Variants in MAST2 observed in about 807,000 individuals in gnomAD.
MAST2 encodes the protein microtubule-associated serine/threonine-protein kinase 2.
MAST2 carries 70 observed loss-of-function variants against 147.4 expected under a neutral mutation model. The ratio of observed to expected loss-of-function variants is 0.47; its 90% confidence interval spans 0.39 to 0.58. MAST2 has a LOEUF of 0.58. Ranked by LOEUF, MAST2 falls within the 20% of genes least tolerant of loss-of-function variation. The pLI, the probability that MAST2 is intolerant of heterozygous loss-of-function variation, is 0.00. For missense variants in MAST2, 2,080 were observed against 2,302.3 expected (o/e 0.90, Z 1.98); for synonymous variants, 869 against 896.8 (o/e 0.97, Z 0.55).
intron 3 of MAST2, among the ~76,000 whole-genome samples, chr1:45,863,001 A>G (rs1646030115): frequency 6.6e-6 from 1 of 151,802 alleles, no homozygotes; most frequent in African/African-American, 2.4e-5. Flanking sequence ...TCCCCATTGG[A>G]TTTTAGCTCT....
chr1:45,875,306 C>T (rs938915103), intron 3 of MAST2, among the ~76,000 whole-genome samples: 40 of 152,058 alleles, frequency 2.6e-4, no homozygotes, highest in Admixed American at 2.0e-3. Flanking sequence ...ATTAGCCGGA[C>T]GTGGTGGCGC....
intron 4 of MAST2, among the ~76,000 whole-genome samples, chr1:45,955,820 CT>C (rs1178375389): frequency 6.6e-6 from 1 of 152,132 alleles, no homozygotes; most frequent in Non-Finnish European, 1.5e-5. Flanking sequence ...ATCATCAGAA[CT>C]GGCTTTTTCT....
intron 4 of MAST2, among the ~76,000 whole-genome samples, chr1:45,894,903 T>G (rs1648480921): frequency 6.6e-6 from 1 of 152,214 alleles, no homozygotes; most frequent in Non-Finnish European, 1.5e-5. Context: ...GTTTCCATTT[T>G]CAATACTGTA....
In MAST2 at chr1:45,979,725, C is replaced by T. The variant is rs1381176315; in HGVS notation, c.593-17999C>T. 3.3e-5 allele frequency among the ~76,000 whole-genome samples: 5 copies of T among 152,266 alleles called. No individual in the cohort carries two copies. In the East Asian group the frequency reaches 7.7e-4, roughly 23 times the overall value. ...TGGCTTACACCTGTAGCTCCTGCTC[C>T]TCAGGAGGCTGAGGTGGGAGGATCA... On this transcript the variant is annotated intron_variant, in intron 5 of 28. Coordinates refer to ENST00000361297, the MANE Select transcript of MAST2 (RefSeq NM_015112.3).
intron 1 of MAST2, among the ~76,000 whole-genome samples, chr1:45,819,276 A>G (rs999375321): frequency 6.6e-6 from 1 of 151,666 alleles, no homozygotes; most frequent in African/African-American, 2.4e-5. Context: ...AAAAGAATGT[A>G]TTCCAATATC....
Position 45,959,374 on chromosome 1 carries a change from T to G in MAST2, c.501-12T>G. 6.2e-7 allele frequency: 1 copy of G among 1,611,182 alleles called. No homozygotes were observed. ...TGGCCCTATTATAATTCATATTTTGTTTTCATTGCAGTTGTCGGACAAGTA... is the reference window on the plus strand; with the variant it reads ...TGGCCCTATTATAATTCATATTTTGGTTTCATTGCAGTTGTCGGACAAGTA... On this transcript the variant is annotated splice_polypyrimidine_tract_variant and intron_variant, in intron 4 of 28. Transcript: ENST00000361297.
intron 4 of MAST2, among the ~76,000 whole-genome samples, chr1:45,894,789 C>T (rs943245651): frequency 6.6e-6 from 1 of 152,118 alleles, no homozygotes; most frequent in Non-Finnish European, 1.5e-5. Flanking sequence ...TAGGGGTTCT[C>T]AAGGTCACAA....
At chr1:45,960,960 G>T (rs1660332259) in intron 5 of MAST2, among the ~76,000 whole-genome samples, 1 of 152,202 alleles carries the variant, frequency 6.6e-6, no homozygotes, top group Non-Finnish European at 1.5e-5. Flanking sequence ...GAGGGAGAAA[G>T]TGAGGGTACA....
chr1:45,810,929 C>T (rs374063032), intron 1 of MAST2, among the ~76,000 whole-genome samples: 5 of 146,796 alleles, frequency 3.4e-5, no homozygotes, highest in South Asian at 2.2e-4. Flanking sequence ...CTCAGCTCAC[C>T]GCAACTTCCA....
At chr1:45,918,475 G>A (rs981932784) in intron 4 of MAST2, among the ~76,000 whole-genome samples, 10 of 152,226 alleles carry the variant, frequency 6.6e-5, no homozygotes, top group Admixed American at 2.6e-4. Context: ...TTTCGCTCTT[G>A]TCACCCAGGC....
chr1:45,905,775 CA>C (rs11453789), intron 4 of MAST2, among the ~76,000 whole-genome samples: 122 of 140,008 alleles, frequency 8.7e-4, no homozygotes, highest in Admixed American at 9.3e-4. Flanking sequence ...GACTCTGTCT[CA>C]AAAAAAAAAA....
chr1:45,823,144 G>C (rs138477598), intron 1 of MAST2, among the ~76,000 whole-genome samples: 109 of 150,562 alleles, frequency 7.2e-4, no homozygotes, highest in Middle Eastern at 3.5e-3. Flanking sequence ...ACCAATATTA[G>C]TACTTACCCA....
At chr1:46,006,513 T>G (rs547141803) in intron 8 of MAST2, 118 bp downstream of exon 8, 1 of 891,442 alleles carries the variant, frequency 1.1e-6, no homozygotes, top group Non-Finnish European at 1.6e-6. Context: ...TTAGGCTTTA[T>G]AGGCCATATA....
rs756876648 is a variant in MAST2 at position 46,019,672 on chromosome 1, G to A, written c.1265G>A (p.Arg422His). Residue 422 changes from arginine (R) to histidine (H), a missense_variant, in exon 11 of 29, where the codon CGC becomes CAC. By Grantham distance (29) the Arg-to-His change is conservative. Coordinates refer to ENST00000361297, the MANE Select transcript of MAST2 (RefSeq NM_015112.3). ...LVKKLMIIIA[R>H]PARLLECLEF... ...AAAAAGCTGATGATTATCATTGCCC[G>A]CCCAGCACGTCTCCTGGAATGCCTG... The A allele has an allele frequency of 5.0e-6, 8 of 1,614,132 alleles. No homozygotes were observed. The highest frequency in any genetic ancestry group is 2.2e-5 in the South Asian group (2 of 91,080).
Position 46,023,655 on chromosome 1 carries a change from C to A in MAST2, c.1572-117C>A. 1.1e-6 allele frequency: 1 copy of A among 894,630 alleles called. No individual in the cohort carries two copies. Among genetic ancestry groups the A allele is most frequent in the Non-Finnish European group, 1.7e-6 (1 of 574,670 alleles). 55.4% of individuals were successfully genotyped at this position (894,630 alleles called of 1,614,324 possible). On this transcript the variant is annotated intron_variant, in intron 14 of 28. Coordinates refer to ENST00000361297, the MANE Select transcript of MAST2 (RefSeq NM_015112.3). This position sits in a 1 kb window ranked among gnomAD's most constrained non-coding sequence, Gnocchi z 4.9. ...CAGACCCTTCTCACTGATATGCATG[C>A]CCTTGCCCCCTTGTTCTGTGCATTA... is the stretch of plus-strand genomic sequence containing the variant.
chr1:46,009,630 T>C (rs1243720649), intron 9 of MAST2, among the ~76,000 whole-genome samples: 1 of 152,198 alleles, frequency 6.6e-6, no homozygotes, highest in Non-Finnish European at 1.5e-5. Flanking sequence ...TCCTCCTCCT[T>C]GTATGTTAGG....
intron 3 of MAST2, among the ~76,000 whole-genome samples, chr1:45,857,393 C>G (rs1289029310): frequency 1.3e-5 from 2 of 152,130 alleles, no homozygotes; most frequent in Non-Finnish European, 2.9e-5. Flanking sequence ...CATATTTGTC[C>G]TCTATAAAAA....
intron 26 of MAST2, among the ~76,000 whole-genome samples, chr1:46,033,272 CAA>C (rs59507952): frequency 1.9e-4 from 18 of 95,066 alleles, no homozygotes; most frequent in Admixed American, 4.5e-4. Context: ...ACTCTGTTTC[CAA>C]AAAAAAAAAA....
chr1:46,033,322 C>G (rs1424494527), intron 26 of MAST2, among the ~76,000 whole-genome samples: 1 of 151,768 alleles, frequency 6.6e-6, no homozygotes, highest in Non-Finnish European at 1.5e-5. Context: ...GCCTGTAATC[C>G]CAGCTACTTG....
Sources: gnomAD v4.1 joint callset for allele counts (sites outside exome capture counted in the v4.1 genomes callset) on GRCh38, gnomAD v4.1.1 for gene constraint, Gnocchi (gnomAD v3.1) non-coding constraint, MANE v1.5 for transcripts, NCBI Gene and HGNC (gene_info 2026-07-23, HGNC 2026-07-21) for gene names.